Variants in RBM19 observed in about 807,000 individuals in gnomAD.
RBM19 encodes the protein RNA binding motif protein 19, also known as probable RNA-binding protein 19.
In RBM19, 94 loss-of-function variants were observed where a neutral mutation model predicts 116.8. The observed-to-expected ratio is 0.80, with a 90% CI of 0.68 to 0.95. The LOEUF is 0.95. Among genes scored for constraint, RBM19 ranks in the 40% least tolerant of loss-of-function variants. RBM19 has a pLI of 0.00. For synonymous variants in RBM19, 475 were observed against 494.1 expected (o/e 0.96, Z 0.51); for missense variants, 1,161 against 1,220.7 (o/e 0.95, Z 0.73).
intron 22 of RBM19, among the ~76,000 whole-genome samples, chr12:113,847,132 A>G (rs946711804): frequency 2.1e-4 from 32 of 152,068 alleles, no homozygotes; most frequent in Non-Finnish European, 1.3e-4. Flanking sequence ...CCTCATCCCT[A>G]TTGGGGCTGG....
At position 113,937,137 on chromosome 12, in the gene RBM19, C is replaced by T. The variant is rs770958222; in HGVS notation, c.1939-1G>A. 2 of 1,614,048 alleles carry T rather than the reference C, an allele frequency of 1.2e-6. No individual in the cohort carries two copies. The highest frequency in any genetic ancestry group is 2.2e-5 in the South Asian group (2 of 91,070). ...CCAGATAGAGGGGGACATGATGGAA[C>T]TGCAGAGACAAGAGTGATGGCCCTG... On this transcript the variant is annotated splice_acceptor_variant, in intron 15 of 23. Transcript: ENST00000261741. LOFTEE classifies it high-confidence loss of function.
At chr12:113,850,142 T>C (rs2135726657) in intron 22 of RBM19, among the ~76,000 whole-genome samples, 1 of 152,344 alleles carries the variant, frequency 6.6e-6, no homozygotes, top group South Asian at 2.1e-4. Context: ...CCTCCATAAA[T>C]ACCTCTTCAT....
chr12:113,912,458 G>C (rs891040240), intron 21 of RBM19, among the ~76,000 whole-genome samples: 1 of 152,242 alleles, frequency 6.6e-6, no homozygotes, highest in African/African-American at 2.4e-5. Flanking sequence ...GCAGCAGAGA[G>C]GAGTGGCTCC....
chr12:113,840,479 G>A (rs147934538), intron 23 of RBM19, among the ~76,000 whole-genome samples: 427 of 152,326 alleles, frequency 2.8e-3, no homozygotes, highest in African/African-American at 9.6e-3. Context: ...TGACATGTAC[G>A]TAGGTTACCA....
At chr12:113,859,205 A>C (rs1000029100) in intron 21 of RBM19, among the ~76,000 whole-genome samples, 1 of 152,136 alleles carries the variant, frequency 6.6e-6, no homozygotes, top group Non-Finnish European at 1.5e-5. Flanking sequence ...GTAACTATGC[A>C]CTGGGGAGGA....
intron 22 of RBM19, among the ~76,000 whole-genome samples, chr12:113,855,481 A>AG (rs534131090): frequency 9.3e-4 from 141 of 152,324 alleles, no homozygotes; most frequent in African/African-American, 3.2e-3. Flanking sequence ...ATGCCAACAC[A>AG]GGGGGCGACT....
intron 22 of RBM19, among the ~76,000 whole-genome samples, chr12:113,852,048 CAA>C (rs10570726): frequency 0.25 from 37,264 of 148,652 alleles, 4,750 homozygotes; most frequent in Middle Eastern, 0.34. Flanking sequence ...GAGATTGTCT[CAA>C]AAAAAAAAAA....
At chr12:113,926,793 C>T (rs770239589) in intron 17 of RBM19, among the ~76,000 whole-genome samples, 30 of 152,088 alleles carry the variant, frequency 2.0e-4, no homozygotes, top group Non-Finnish European at 2.9e-4. Context: ...CACGGTCTCC[C>T]GAAAGATTCC....
chr12:113,962,226 A>C lies in RBM19; in HGVS notation c.219+6T>G, dbSNP rs773725049. The C allele has an allele frequency of 3.7e-6, 6 of 1,614,000 alleles. No individual in the cohort carries two copies. Among genetic ancestry groups the C allele is most frequent in the Non-Finnish European group, 5.1e-6 (6 of 1,179,832 alleles). On this transcript the variant is annotated splice_donor_region_variant and intron_variant, in intron 2 of 23. Coordinates refer to ENST00000261741, the MANE Select transcript of RBM19 (RefSeq NM_016196.4). ...GAAGGTAAGGGTGAGACTCCTGCCCACTCACTGTGATCCGGGATGTGTCGA... is the reference window on the plus strand; with the variant it reads ...GAAGGTAAGGGTGAGACTCCTGCCCCCTCACTGTGATCCGGGATGTGTCGA...
rs1296102082 is a variant in RBM19 at position 113,960,113 on chromosome 12, T to C, written c.285A>G (p.Lys95=). The change falls in exon 3 of 24, where the codon AAA becomes AAG. Residue 95 remains lysine, a synonymous_variant. Transcript: ENST00000261741. The part of the protein sequence containing the change: ...KPRAWSKHAQ[K]PSQPKQPPKD... Reference sequence around the variant, plus strand: ...TTGGAGGCTGCTTGGGCTGGCTTGGTTTCTGGGCATGTTTGCTCCAGGCTC... The same window carrying C: ...TTGGAGGCTGCTTGGGCTGGCTTGGCTTCTGGGCATGTTTGCTCCAGGCTC... 1.9e-6 allele frequency: 3 copies of C among 1,614,210 alleles called. No individual in the cohort carries two copies. The highest frequency in any genetic ancestry group is 2.5e-6 in the Non-Finnish European group (3 of 1,180,036).
intron 13 of RBM19, among the ~76,000 whole-genome samples, chr12:113,943,963 T>A (rs1045525468): frequency 3.3e-5 from 5 of 152,064 alleles, no homozygotes; most frequent in African/African-American, 1.2e-4. Flanking sequence ...CATTCCCTAA[T>A]GGACAGCACT....
intron 15 of RBM19, among the ~76,000 whole-genome samples, chr12:113,937,509 T>C (rs920255325): frequency 6.6e-6 from 1 of 152,038 alleles, no homozygotes; most frequent in Non-Finnish European, 1.5e-5. Flanking sequence ...CAGGAGGAAG[T>C]GTAAAATACC....
At chr12:113,860,891 G>C (rs1878310477) in intron 21 of RBM19, among the ~76,000 whole-genome samples, 1 of 152,218 alleles carries the variant, frequency 6.6e-6, no homozygotes, top group African/African-American at 2.4e-5. Context: ...AAGCCTGAAG[G>C]TGTTTTGGAA....
At chr12:113,847,492 A>T (rs2135722375) in intron 22 of RBM19, among the ~76,000 whole-genome samples, 1 of 152,230 alleles carries the variant, frequency 6.6e-6, no homozygotes, top group Admixed American at 6.5e-5. Flanking sequence ...CTGGCGAGGC[A>T]GAGAAATGGC....
chr12:113,948,851 T>G lies in RBM19; in HGVS notation c.1258A>C (p.Lys420Gln), dbSNP rs749510306. 4 of 1,614,136 alleles carry G rather than the reference T, an allele frequency of 2.5e-6. No homozygotes were observed. The highest frequency in any genetic ancestry group is 3.4e-6 in the Non-Finnish European group (4 of 1,180,024). Residue 420 changes from lysine to glutamine, a missense_variant, in exon 10 of 24, where the codon AAG becomes CAG. Physicochemically the swap from Lys to Gln is moderately conservative, Grantham distance 53 (BLOSUM62 1). Transcript: ENST00000261741. ...CCCCTACCATATTTGGAGAAGAGCTTCTCCAGATCCTCCTCGGTGCTGGTG... is the reference window on the plus strand; with the variant it reads ...CCCCTACCATATTTGGAGAAGAGCTGCTCCAGATCCTCCTCGGTGCTGGTG... ...PYTSTEEDLEKLFSKYGPLSE... is the reference protein window; with the variant it reads ...PYTSTEEDLEQLFSKYGPLSE...
In RBM19 at chr12:113,848,199, T is replaced by G. The variant is rs184526084; in HGVS notation, c.2665-3411A>C. Among the ~76,000 whole-genome samples, 161 of 152,340 alleles carry G rather than the reference T, an allele frequency of 1.1e-3. 1 individual carries two copies. The highest frequency in any genetic ancestry group is 3.7e-3 in the African/African-American group (152 of 41,560). ...TGTGTCACTTAAGATTGGCTGTTAT[T>G]ATGATGATGTATGCCTCCACTTTTC... On this transcript the variant is annotated intron_variant, in intron 22 of 23. Coordinates refer to ENST00000261741, the MANE Select transcript of RBM19 (RefSeq NM_016196.4).
chr12:113,959,067 A>G (rs2135940551), intron 5 of RBM19, 145 bp downstream of exon 5: 1 of 752,236 alleles, frequency 1.3e-6, no homozygotes, highest in South Asian at 2.3e-5. Context: ...AGACAGATGC[A>G]CCTGCAGAGG....
exon 25 of RBM19, chr12:113,816,870 T>TA (rs1420698426): frequency 6.6e-6 from 1 of 152,222 alleles, no homozygotes; most frequent in Non-Finnish European, 1.5e-5. Flanking sequence ...GAGGATGGGT[T>TA]ACATTTTGCA....
chr12:113,824,887 A>G (rs1361403449), intron 23 of RBM19, among the ~76,000 whole-genome samples: 3 of 151,704 alleles, frequency 2.0e-5, no homozygotes, highest in Non-Finnish European at 4.4e-5. Context: ...CCTCTAAAAC[A>G]TGTGCGTCAG....
Sources: gnomAD v4.1 joint callset for allele counts (sites outside exome capture counted in the v4.1 genomes callset) on GRCh38, gnomAD v4.1.1 for gene constraint, MANE v1.5 for transcripts, NCBI Gene and HGNC (gene_info 2026-07-23, HGNC 2026-07-21) for gene names.